Variants in TRDMT1 observed in about 807,000 individuals in gnomAD.
TRDMT1 encodes the protein tRNA (cytosine(38)-C(5))-methyltransferase.
TRDMT1 carries 49 observed loss-of-function variants against 51.2 expected under a neutral mutation model. The observed-to-expected ratio is 0.96, with a 90% CI of 0.76 to 1.21. TRDMT1 has a LOEUF of 1.21. Among genes scored for constraint, TRDMT1 ranks in the 50% most tolerant of loss-of-function variants. The probability of loss-of-function intolerance (pLI) is 0.00; values close to 1 mark genes in which losing one functional copy is unlikely to be tolerated. For missense variants in TRDMT1, 534 were observed against 462.3 expected (o/e 1.16, Z -1.42); for synonymous variants, 187 against 164.6 (o/e 1.14, Z -1.04).
chr10:17,172,615 AAAG>A (rs1258487765), intron 2 of TRDMT1, among the ~76,000 whole-genome samples: 4 of 152,210 alleles, frequency 2.6e-5, no homozygotes, highest in Admixed American at 1.3e-4. Flanking sequence ...AAGAGACACT[AAAG>A]AAGGTTTTTC....
At chr10:17,190,574 T>C (rs962804562) in intron 1 of TRDMT1, among the ~76,000 whole-genome samples, 1 of 152,168 alleles carries the variant, frequency 6.6e-6, no homozygotes, top group East Asian at 1.9e-4. Context: ...ATGTTTTAAA[T>C]AAAAAGAACA....
chr10:17,169,668 A>G, intron 2 of TRDMT1: 1 of 505,750 alleles, frequency 2.0e-6, no homozygotes. Flanking sequence ...CTTCCTAATT[A>G]TAGCCCACTT....
At position 17,144,907 on chromosome 10, in the gene TRDMT1, C is replaced by T. The variant is rs1837971834; in HGVS notation, c.*4133G>A. 2 of 984,930 alleles carry T rather than the reference C, an allele frequency of 2.0e-6. No individual in the cohort carries two copies. Among genetic ancestry groups the T allele is most frequent in the South Asian group, 4.7e-5 (1 of 21,264 alleles). The allele number at this position is 984,930 out of a possible 1,614,324, so 61.0% of individuals were successfully genotyped here. A position where few individuals can be genotyped will look rare whatever the true frequency, so the allele number is the denominator to read the frequency against. ...ATGCACACAGGTTGACTCATGCAAACTGAAACTAAAGAACATGTGCAAGAT... is the reference window on the plus strand; with the variant it reads ...ATGCACACAGGTTGACTCATGCAAATTGAAACTAAAGAACATGTGCAAGAT... On this transcript the variant is annotated 3_prime_UTR_variant, in exon 11 of 11. Coordinates refer to ENST00000377799, the MANE Select transcript of TRDMT1 (RefSeq NM_004412.7).
intron 3 of TRDMT1, 67 bp from the exon 4 acceptor site, chr10:17,162,304 G>C: frequency 1.4e-6 from 2 of 1,415,732 alleles, no homozygotes; most frequent in Non-Finnish European, 1.9e-6. Context: ...CTGATAAAAA[G>C]ATGTCAAATC....
chr10:17,201,497 G>C, intron 1 of TRDMT1, 74 bp downstream of exon 1: 1 of 1,165,848 alleles, frequency 8.6e-7, no homozygotes. Context: ...TCGCCGCTCC[G>C]CCCCTTCCCG....
Position 17,145,107 on chromosome 10 carries a change from T to G in TRDMT1, c.*3933A>C, listed in dbSNP as rs1383242120. On this transcript the variant is annotated 3_prime_UTR_variant, in exon 11 of 11. Coordinates refer to ENST00000377799, the MANE Select transcript of TRDMT1 (RefSeq NM_004412.7). ...TCTACTAATACAAAAATTAGCTAGGTGTGGTGGCATGCGCCTGTAATCCCA... is the reference window on the plus strand; with the variant it reads ...TCTACTAATACAAAAATTAGCTAGGGGTGGTGGCATGCGCCTGTAATCCCA... The G allele has an allele frequency of 5.2e-6, 3 of 578,682 alleles. No individual in the cohort carries two copies. In the African/African-American group the frequency reaches 6.1e-5, roughly 12 times the overall value. The allele number at this position is 578,682 out of a possible 1,614,324, so 35.8% of individuals were successfully genotyped here. A position where few individuals can be genotyped will look rare whatever the true frequency, so the allele number is the denominator to read the frequency against.
rs1299804783 is a variant in TRDMT1 at position 17,144,353 on chromosome 10, G to C, written c.*4687C>G. ...TGAAGTAAACACTGAAGCCATGCTA[G>C]GTACAAGCAAAGAAATGAAAAAACC... On this transcript the variant is annotated 3_prime_UTR_variant, in exon 11 of 11. Coordinates refer to ENST00000377799, the MANE Select transcript of TRDMT1 (RefSeq NM_004412.7). The C allele has an allele frequency of 1.0e-6, 1 of 985,246 alleles. No individual in the cohort carries two copies. Among genetic ancestry groups the C allele is most frequent in the African/African-American group, 1.7e-5 (1 of 57,208 alleles). The allele number at this position is 985,246 out of a possible 1,614,324, so 61.0% of individuals were successfully genotyped here.
Position 17,145,917 on chromosome 10 carries a change from TC to T in TRDMT1, c.*3122del. 1 of 985,434 alleles carries T rather than the reference TC, an allele frequency of 1.0e-6. No individual in the cohort carries two copies. The highest frequency in any genetic ancestry group is 1.7e-5 in the African/African-American group (1 of 57,368). 61.0% of individuals were successfully genotyped at this position (985,434 alleles called of 1,614,324 possible). A position where few individuals can be genotyped will look rare whatever the true frequency, so the allele number is the denominator to read the frequency against. ...TGTATTTATCTTTAGTTCATTTCTC[TC>T]TCCTCAGAAGTCTCCAGCTTAATCA... On this transcript the variant is annotated 3_prime_UTR_variant, in exon 11 of 11. Coordinates refer to ENST00000377799, the MANE Select transcript of TRDMT1 (RefSeq NM_004412.7).
chr10:17,153,883 T>C (rs368693927), intron 9 of TRDMT1, among the ~76,000 whole-genome samples: 2 of 152,324 alleles, frequency 1.3e-5, no homozygotes, highest in South Asian at 2.1e-4. Flanking sequence ...CTGTCATTTT[T>C]GAGCCCTTAA....
intron 1 of TRDMT1, among the ~76,000 whole-genome samples, chr10:17,185,349 G>T (rs1564331336): frequency 6.6e-6 from 1 of 152,162 alleles, no homozygotes; most frequent in Non-Finnish European, 1.5e-5. Context: ...TCAGAGAGAT[G>T]CAAATTAAAA....
Position 17,148,110 on chromosome 10 carries a change from A to G in TRDMT1, c.*930T>C. 2 of 985,404 alleles carry G rather than the reference A, an allele frequency of 2.0e-6. No individual in the cohort carries two copies. The highest frequency in any genetic ancestry group is 2.4e-6 in the Non-Finnish European group (2 of 829,928). The allele number at this position is 985,404 out of a possible 1,614,324, so 61.0% of individuals were successfully genotyped here. A position where few individuals can be genotyped will look rare whatever the true frequency, so the allele number is the denominator to read the frequency against. On this transcript the variant is annotated 3_prime_UTR_variant, in exon 11 of 11. Transcript: ENST00000377799. ...GATGCAAGACTTAGTTTGATTAGAAACCCTAATTCCAAGAGGTCTGCTGAG... is the reference window on the plus strand; with the variant it reads ...GATGCAAGACTTAGTTTGATTAGAAGCCCTAATTCCAAGAGGTCTGCTGAG...
rs77012642 is a variant in TRDMT1 at position 17,139,453 on chromosome 10, A to G, written c.*9587T>C. On this transcript the variant is annotated 3_prime_UTR_variant, in exon 11 of 11. Coordinates refer to ENST00000377799, the MANE Select transcript of TRDMT1 (RefSeq NM_004412.7). ...ATTTTGTGTTCTATTAGGGGAGGAGAGCAAGAGAGGTGAGGATGTCACCAC... is the reference window on the plus strand; with the variant it reads ...ATTTTGTGTTCTATTAGGGGAGGAGGGCAAGAGAGGTGAGGATGTCACCAC... Among the ~76,000 whole-genome samples, 4,979 of 152,186 alleles carry G rather than the reference A, an allele frequency of 0.033. 251 individuals are homozygous for G. Among genetic ancestry groups the G allele is most frequent in the African/African-American group, 0.11 (4,645 of 41,498 alleles).
intron 10 of TRDMT1, 52 bp downstream of exon 10, chr10:17,153,455 T>G: frequency 6.2e-7 from 1 of 1,602,306 alleles, no homozygotes; most frequent in Non-Finnish European, 8.5e-7. Flanking sequence ...TCCCTAAAGA[T>G]TTTTGAGAGT....
chr10:17,201,358 G>C (rs1310809252), intron 1 of TRDMT1: 5 of 518,948 alleles, frequency 9.6e-6, no homozygotes, highest in African/African-American at 4.0e-5. Flanking sequence ...GGCCCCTCGA[G>C]CCAGACTCGG....
intron 1 of TRDMT1, among the ~76,000 whole-genome samples, chr10:17,182,521 C>T (rs980864263): frequency 1.3e-5 from 2 of 152,130 alleles, no homozygotes; most frequent in Non-Finnish European, 2.9e-5. Flanking sequence ...ATGCAAAAGT[C>T]CTGTAAATAA....
At position 17,144,136 on chromosome 10, in the gene TRDMT1, T is replaced by C. The variant is rs1462032743; in HGVS notation, c.*4904A>G. The C allele has an allele frequency of 1.0e-5, 10 of 985,348 alleles. No individual in the cohort carries two copies. The highest frequency in any genetic ancestry group is 1.2e-5 in the Non-Finnish European group (10 of 829,942). 61.0% of individuals were successfully genotyped at this position (985,348 alleles called of 1,614,324 possible). A position where few individuals can be genotyped will look rare whatever the true frequency, so the allele number is the denominator to read the frequency against. ...CCTGAGGACGGAACCTTCAGATAAG[T>C]CAGCTCCAAGCCTCTGCTCTTCTTT... On this transcript the variant is annotated 3_prime_UTR_variant, in exon 11 of 11. Coordinates refer to ENST00000377799, the MANE Select transcript of TRDMT1 (RefSeq NM_004412.7).
intron 1 of TRDMT1, 90 bp downstream of exon 1, chr10:17,201,481 T>TTCCGCCCCTA: frequency 3.6e-6 from 5 of 1,373,234 alleles, no homozygotes; most frequent in Non-Finnish European, 4.0e-6. Flanking sequence ...GTCCGCCCCT[T>TTCCGCCCCTA]GCGTCTCGCC....
intron 1 of TRDMT1, among the ~76,000 whole-genome samples, chr10:17,197,893 G>A (rs1346556453): frequency 1.3e-5 from 2 of 152,076 alleles, no homozygotes; most frequent in Admixed American, 1.3e-4. Flanking sequence ...AATTAGCCAG[G>A]CATGGTGGCA....
intron 1 of TRDMT1, among the ~76,000 whole-genome samples, chr10:17,179,641 T>C (rs1315647167): frequency 6.6e-6 from 1 of 151,648 alleles, no homozygotes; most frequent in Non-Finnish European, 1.5e-5. Flanking sequence ...TTAAGACTCA[T>C]ACTGTTCATC....
Sources: allele counts gnomAD v4.1 joint callset (sites outside exome capture counted in the v4.1 genomes callset), GRCh38; gene constraint gnomAD v4.1.1; transcripts MANE v1.5; gene names NCBI Gene and HGNC (gene_info 2026-07-23, HGNC 2026-07-21).